The following CYTH4 variants were observed in gnomAD, a reference collection of about 807,000 sequenced individuals.
The protein encoded by CYTH4 is cytohesin-4.
Under a neutral mutation model 57.5 loss-of-function variants are expected in CYTH4, and 22 were observed. That is an observed-to-expected ratio of 0.38 (90% CI 0.27 to 0.55). The LOEUF (loss-of-function observed/expected upper bound fraction) is 0.55. Ranked by LOEUF, CYTH4 falls within the 20% of genes least tolerant of loss-of-function variation. The pLI is 0.74. For missense variants in CYTH4, 420 were observed against 535.6 expected (o/e 0.78, Z 2.13); for synonymous variants, 186 against 206.5 (o/e 0.90, Z 0.85).
intron 2 of CYTH4, 145 bp downstream of exon 2, chr22:37,292,848 C>G (rs1928801229): frequency 1.4e-6 from 1 of 723,142 alleles, no homozygotes; most frequent in African/African-American, 1.8e-5. Context: ...GCCCCAGGAG[C>G]AGGGAGAACA....
chr22:37,287,356 C>T (rs1928595426), intron 1 of CYTH4, among the ~76,000 whole-genome samples: 1 of 152,104 alleles, frequency 6.6e-6, no homozygotes, highest in Non-Finnish European at 1.5e-5. Flanking sequence ...TGGAGCCCAC[C>T]CTGGCTTCTC....
At chr22:37,304,239 CG>C (rs891483199) in intron 8 of CYTH4, 1 of 456,528 alleles carries the variant, frequency 2.2e-6, no homozygotes, top group Non-Finnish European at 4.4e-6. Flanking sequence ...GTGGCCAGAA[CG>C]GAGGCGTGTC....
chr22:37,289,185 GGTC>G, intron 1 of CYTH4, among the ~76,000 whole-genome samples: 1 of 152,080 alleles, frequency 6.6e-6, no homozygotes, highest in Non-Finnish European at 1.5e-5. Flanking sequence ...GCTCCCACGG[GGTC>G]ATCCACCTGC....
intron 8 of CYTH4, among the ~76,000 whole-genome samples, chr22:37,303,994 G>T (rs966635399): frequency 6.6e-6 from 1 of 152,178 alleles, no homozygotes; most frequent in Non-Finnish European, 1.5e-5. Context: ...GGGTCTGGTG[G>T]GAGGACTGTA....
Position 37,295,242 on chromosome 22 carries a change from G to A in CYTH4, c.167+518G>A, listed in dbSNP as rs1013957532. Among the ~76,000 whole-genome samples the A allele has an allele frequency of 6.6e-6, 1 of 152,064 alleles. No homozygotes were observed. The highest frequency in any genetic ancestry group is 6.5e-5 in the Admixed American group (1 of 15,276). On this transcript the variant is annotated intron_variant, in intron 3 of 12. Transcript: ENST00000248901. The surrounding 1 kb of genome is among the most constrained non-coding windows in gnomAD (Gnocchi z 4.1). Reference sequence around the variant, plus strand: ...GTTTCCCCATCTGTGCAACAAGAAGGTTGGTTGCTACACAGTCTCCTAAGG... The same window carrying A: ...GTTTCCCCATCTGTGCAACAAGAAGATTGGTTGCTACACAGTCTCCTAAGG...
chr22:37,286,083 T>C (rs1033643216), intron 1 of CYTH4, among the ~76,000 whole-genome samples: 1 of 138,488 alleles, frequency 7.2e-6, no homozygotes, highest in Non-Finnish European at 1.6e-5. Context: ...TCCCCAGCTC[T>C]GCAAAGTTGG....
intron 1 of CYTH4, among the ~76,000 whole-genome samples, chr22:37,286,647 G>A (rs951706150): frequency 3.9e-5 from 6 of 152,138 alleles, no homozygotes; most frequent in Admixed American, 3.9e-4. Context: ...GCAGAGAGGA[G>A]AAGGAAGGGC....
chr22:37,303,427 C>A, intron 8 of CYTH4, 25 bp downstream of exon 8: 1 of 1,606,572 alleles, frequency 6.2e-7, no homozygotes. Context: ...GCCCACCCAG[C>A]CTGGCCCCGG....
rs746204787 is a variant in CYTH4, at chr22:37,311,973, A to AGG, written c.958-47_958-46insGG. 53 of 1,595,290 alleles carry AGG rather than the reference A, an allele frequency of 3.3e-5. No individual in the cohort carries two copies. In the East Asian group the frequency reaches 6.3e-4, roughly 19 times the overall value. On this transcript the variant is annotated intron_variant, in intron 11 of 12. Transcript: ENST00000248901. The surrounding 1 kb of genome is among the most constrained non-coding windows in gnomAD (Gnocchi z 4.4). ...CTTCTCTGAGCCTCCTGGAGGGCCC[A>AGG]CCCAGCCTCCCTCTCTTCCCACCCT...
At chr22:37,297,522 T>C in intron 4 of CYTH4, 42 bp from the exon 5 acceptor site, 1 of 1,566,414 alleles carries the variant, frequency 6.4e-7, no homozygotes, top group Admixed American at 1.7e-5. Flanking sequence ...CAGGCCTGCT[T>C]CCATGCAGCA....
Position 37,312,044 on chromosome 22 carries a change from A to G in CYTH4, c.982A>G (p.Ser328Gly), listed in dbSNP as rs1313710062. The change falls in exon 12 of 13, where the codon AGC becomes GGC. Residue 328 changes from serine to glycine, a missense_variant. By Grantham distance (56) the Ser-to-Gly change is moderately conservative. Transcript: ENST00000248901. Reference sequence around the variant, plus strand: ...GTTCTGCCTGGAGCTCTACAACCCTAGCTGCCGAGGCCAGAAAATCAAGGC... The same window carrying G: ...GTTCTGCCTGGAGCTCTACAACCCTGGCTGCCGAGGCCAGAAAATCAAGGC... ...KPFCLELYNP[S>G]CRGQKIKACK... is the part of the protein sequence containing the mutation. The G allele has an allele frequency of 6.2e-6, 10 of 1,613,780 alleles. No homozygotes were observed. Among genetic ancestry groups the G allele is most frequent in the Admixed American group, 1.7e-5 (1 of 59,992 alleles).
At chr22:37,284,740 G>A (rs1484297363) in intron 1 of CYTH4, among the ~76,000 whole-genome samples, 1 of 152,116 alleles carries the variant, frequency 6.6e-6, no homozygotes, top group Non-Finnish European at 1.5e-5. Context: ...TGGACAGGCT[G>A]GTGACTCAGG....
intron 1 of CYTH4, 96 bp downstream of exon 1, chr22:37,282,684 C>T: frequency 1.8e-6 from 2 of 1,122,734 alleles, no homozygotes; most frequent in South Asian, 3.1e-5. Context: ...TAAAGGAATA[C>T]AGCGCAGGTG....
At position 37,297,680 on chromosome 22, in the gene CYTH4, G is replaced by C. The variant is rs2145861536; in HGVS notation, c.351G>C (p.Glu117Asp). 3 of 1,613,164 alleles carry C rather than the reference G, an allele frequency of 1.9e-6. No individual in the cohort carries two copies. Among genetic ancestry groups the C allele is most frequent in the Middle Eastern group, 1.7e-4 (1 of 6,058 alleles). Residue 117 changes from glutamate to aspartate, a missense_variant and splice_region_variant, in exon 5 of 13, where the codon GAG becomes GAC. Physicochemically the swap from Glu to Asp is conservative, Grantham distance 45. Coordinates refer to ENST00000248901, the MANE Select transcript of CYTH4 (RefSeq NM_013385.5). ...CAGCCATTGGTACCTACCTGGGGGAGAGGTAAGAACGAGTGGAGCCTTAGC... is the reference window on the plus strand; with the variant it reads ...CAGCCATTGGTACCTACCTGGGGGACAGGTAAGAACGAGTGGAGCCTTAGC... The part of the protein sequence containing the change: ...NKTAIGTYLG[E>D]RDPINLQVLQ...
rs527986225 is a variant in CYTH4, at chr22:37,286,534, G to A, written c.19+3946G>A. ...ATTGAGCCATGCAGATCCCAGAAAC[G>A]CTGTGGGGAATGGGAAGGGGTGGGG... On this transcript the variant is annotated intron_variant, in intron 1 of 12. Coordinates refer to ENST00000248901, the MANE Select transcript of CYTH4 (RefSeq NM_013385.5). Among the ~76,000 whole-genome samples, 5 of 152,224 alleles carry A rather than the reference G, an allele frequency of 3.3e-5. No individual in the cohort carries two copies. The East Asian group carries it at 7.7e-4, about 23-fold the overall frequency.
At chr22:37,289,487 C>A (rs561752263) in intron 1 of CYTH4, among the ~76,000 whole-genome samples, 5 of 152,360 alleles carry the variant, frequency 3.3e-5, no homozygotes, top group African/African-American at 1.2e-4. Context: ...CATTCTGCAA[C>A]CAGCCTTGGG....
At chr22:37,283,742 C>A (rs1022863377) in intron 1 of CYTH4, among the ~76,000 whole-genome samples, 3 of 152,156 alleles carry the variant, frequency 2.0e-5, no homozygotes, top group African/African-American at 7.2e-5. Flanking sequence ...CACTCTGACC[C>A]CTGCCTCTCC....
At chr22:37,307,669 G>A (rs1341796285) in intron 8 of CYTH4, among the ~76,000 whole-genome samples, 2 of 152,176 alleles carry the variant, frequency 1.3e-5, no homozygotes, top group African/African-American at 2.4e-5. Flanking sequence ...TTAAAATCTC[G>A]AAGAAAGCAT....
chr22:37,308,830 TTA>T (rs1929522043), intron 8 of CYTH4, among the ~76,000 whole-genome samples: 1 of 151,286 alleles, frequency 6.6e-6, no homozygotes, highest in Non-Finnish European at 1.5e-5. Flanking sequence ...GAGCATGCAT[TTA>T]TATAAGTGTG....
Sources: allele counts gnomAD v4.1 joint callset (sites outside exome capture counted in the v4.1 genomes callset), GRCh38; gene constraint gnomAD v4.1.1; non-coding constraint Gnocchi (gnomAD v3.1); transcripts MANE v1.5; gene names NCBI Gene and HGNC (gene_info 2026-07-23, HGNC 2026-07-21).